The following ANK3 variants were observed in gnomAD, a reference collection of about 807,000 sequenced individuals.
The protein encoded by ANK3 is ankyrin-3.
In ANK3, 57 loss-of-function variants were observed where a neutral mutation model predicts 370.9. That is an observed-to-expected ratio of 0.15 (90% CI 0.12 to 0.19). The LOEUF (loss-of-function observed/expected upper bound fraction) is 0.19. ANK3 is among the 10% of genes least tolerant of loss of function. The pLI, the probability that ANK3 is intolerant of heterozygous loss-of-function variation, is 1.00. For missense variants in ANK3, 4,439 were observed against 5,302.1 expected (o/e 0.84, Z 5.06); for synonymous variants, 1,929 against 1,946.3 (o/e 0.99, Z 0.23).
intron 2 of ANK3, among the ~76,000 whole-genome samples, chr10:60,608,535 C>T (rs2078159555): frequency 6.6e-6 from 1 of 152,130 alleles, no homozygotes; most frequent in African/African-American, 2.4e-5. Context: ...AAAGCTCCTC[C>T]CCCTGGGATG....
rs779461792 is a variant in ANK3 at position 60,073,713 on chromosome 10, C to T, written c.7168G>A (p.Gly2390Ser). The change falls in exon 37 of 44, where the codon GGT (glycine) becomes AGT (serine). Residue 2390 changes from glycine to serine, a missense_variant. Gly to Ser is a moderately conservative substitution (Grantham distance 56). This residue lies in a region of ANK3 where 1,601 missense variants were observed against 1,731.7 expected (regional missense o/e 0.92). Coordinates refer to ENST00000280772, the MANE Select transcript of ANK3 (RefSeq NM_020987.5). ...GTAAGTTCTTCTTCTTCTTGCTGAC[C>T]CTGTTCCTCTGAACAAGGAAAAGCA... is the stretch of plus-strand genomic sequence containing the variant. ...HDAFPCSEEQ[G>S]QQEEEELTAE... is the part of the protein sequence containing the mutation. 2 of 1,613,924 alleles carry T rather than the reference C, an allele frequency of 1.2e-6. No individual in the cohort carries two copies. The highest frequency in any genetic ancestry group is 1.7e-6 in the Non-Finnish European group (2 of 1,179,992).
chr10:60,585,722 G>C (rs1270623863), intron 2 of ANK3, among the ~76,000 whole-genome samples: 1 of 152,112 alleles, frequency 6.6e-6, no homozygotes, highest in Admixed American at 6.6e-5. Context: ...CATGTACCAA[G>C]GTGAAGAACT....
At chr10:60,308,891 G>C (rs2045765176) in intron 1 of ANK3, among the ~76,000 whole-genome samples, 1 of 152,022 alleles carries the variant, frequency 6.6e-6, no homozygotes, top group Non-Finnish European at 1.5e-5. Context: ...TGGATGCCTG[G>C]GGGAACTTTT....
At chr10:60,151,719 A>G (rs894618909) in intron 23 of ANK3, among the ~76,000 whole-genome samples, 1 of 152,250 alleles carries the variant, frequency 6.6e-6, no homozygotes, top group Non-Finnish European at 1.5e-5. Context: ...ATATGAATGC[A>G]AAACAGACTA....
chr10:60,696,261 T>C (rs1459399408), intron 1 of ANK3, among the ~76,000 whole-genome samples: 9 of 149,794 alleles, frequency 6.0e-5, no homozygotes, highest in Admixed American at 3.3e-4. Flanking sequence ...CAATAATCAA[T>C]AGCTTACCAA....
chr10:60,638,178 T>C (rs561415621), intron 1 of ANK3, among the ~76,000 whole-genome samples: 2 of 152,264 alleles, frequency 1.3e-5, no homozygotes, highest in African/African-American at 4.8e-5. Context: ...CTCCATGAGG[T>C]AGAAGAAAGA....
intron 28 of ANK3, among the ~76,000 whole-genome samples, chr10:60,101,782 T>C (rs1161174177): frequency 6.6e-6 from 1 of 152,198 alleles, no homozygotes; most frequent in Admixed American, 6.5e-5. Context: ...TTCCCCCTTA[T>C]TTTGCAGCTA....
At chr10:60,414,185 A>C (rs920330796) in intron 2 of ANK3, among the ~76,000 whole-genome samples, 1 of 152,154 alleles carries the variant, frequency 6.6e-6, no homozygotes, top group Non-Finnish European at 1.5e-5. Flanking sequence ...ATTTTAAGTT[A>C]CCAGCATTTA....
intron 1 of ANK3, among the ~76,000 whole-genome samples, chr10:60,634,943 C>T (rs1037868217): frequency 2.0e-5 from 3 of 152,298 alleles, no homozygotes; most frequent in African/African-American, 7.2e-5. Context: ...AAGGAACAAA[C>T]TCCGCACACA....
intron 40 of ANK3, among the ~76,000 whole-genome samples, chr10:60,060,915 G>A (rs746312730): frequency 3.3e-5 from 5 of 152,168 alleles, no homozygotes; most frequent in Non-Finnish European, 4.4e-5. Flanking sequence ...AGGGGGGAAC[G>A]AATCCCTTGT....
intron 2 of ANK3, among the ~76,000 whole-genome samples, chr10:60,419,744 C>A (rs1594991886): frequency 6.6e-6 from 1 of 152,132 alleles, no homozygotes; most frequent in Non-Finnish European, 1.5e-5. Context: ...AGAAAACAGA[C>A]ACCTGGAATG....
chr10:60,450,964 A>T (rs999892989), intron 2 of ANK3, among the ~76,000 whole-genome samples: 6 of 152,196 alleles, frequency 3.9e-5, no homozygotes, highest in African/African-American at 1.2e-4. Context: ...GTCTTTGCAG[A>T]TGTAATTAAG....
At chr10:60,504,453 TA>T (rs2075882477) in intron 2 of ANK3, among the ~76,000 whole-genome samples, 1 of 152,164 alleles carries the variant, frequency 6.6e-6, no homozygotes. Context: ...TTGATTATAA[TA>T]AAGACTTATT....
At chr10:60,698,765 G>T (rs1473861558) in intron 1 of ANK3, among the ~76,000 whole-genome samples, 3 of 100,798 alleles carry the variant, frequency 3.0e-5, no homozygotes, top group African/African-American at 7.5e-5. Flanking sequence ...GGTGGGGGGA[G>T]GGGGGAGGGA....
At chr10:60,462,632 T>G (rs887013752) in intron 2 of ANK3, among the ~76,000 whole-genome samples, 2 of 151,890 alleles carry the variant, frequency 1.3e-5, no homozygotes, top group African/African-American at 4.8e-5. Context: ...TGTTAGTTCT[T>G]TATTGGATTT....
At chr10:60,361,213 G>A (rs1398872237) in intron 1 of ANK3, among the ~76,000 whole-genome samples, 3 of 152,114 alleles carry the variant, frequency 2.0e-5, no homozygotes, top group Non-Finnish European at 2.9e-5. Flanking sequence ...GAATTAATGT[G>A]TACCTTTACC....
In ANK3 at chr10:60,565,463, C is replaced by T. The variant is rs143937008; in HGVS notation, c.96+49723G>A. The stretch of plus-strand genomic sequence containing the variant: ...CAGTCCACGTCACAGGGGTTGGGGA[C>T]CCCTGCTATAAACTATGTCTGACCT... On this transcript the variant is annotated intron_variant, in intron 2 of 43. Transcript: ENST00000373827. Among the ~76,000 whole-genome samples the T allele has an allele frequency of 1.8e-4, 28 of 152,244 alleles. No homozygotes were observed. The East Asian group carries it at 4.8e-3, about 26-fold the overall frequency.
chr10:60,714,301 A>G (rs1353903467), intron 1 of ANK3, among the ~76,000 whole-genome samples: 9 of 152,216 alleles, frequency 5.9e-5, no homozygotes, highest in Non-Finnish European at 1.3e-4. Context: ...TTCACTGGTG[A>G]CTTCGACCAA....
At chr10:60,155,509 T>C (rs535155279) in intron 23 of ANK3, among the ~76,000 whole-genome samples, 3 of 151,794 alleles carry the variant, frequency 2.0e-5, no homozygotes, top group Admixed American at 1.3e-4. Flanking sequence ...ACCCAAGGAG[T>C]GCAGTCCTTG....
Sources: allele counts gnomAD v4.1 joint callset (sites outside exome capture counted in the v4.1 genomes callset), GRCh38; gene constraint gnomAD v4.1.1; regional missense constraint gnomAD v4.1.1; transcripts MANE v1.5; gene names NCBI Gene and HGNC (gene_info 2026-07-23, HGNC 2026-07-21).